The following CELF2 variants were observed in gnomAD, a reference collection of about 807,000 sequenced individuals.
CELF2 encodes the protein CUGBP Elav-like family member 2, also known as CUG triplet repeat RNA-binding protein 2.
In CELF2, 8 loss-of-function variants were observed where a neutral mutation model predicts 62.6. That is an observed-to-expected ratio of 0.13 (90% confidence interval 0.07 to 0.23). The LOEUF (loss-of-function observed/expected upper bound fraction) is 0.23. CELF2 is among the 10% of genes least tolerant of loss of function. CELF2 has a pLI of 1.00. For missense variants in CELF2, 333 were observed against 671.0 expected (o/e 0.50, Z 5.56); for synonymous variants, 258 against 250.0 (o/e 1.03, Z -0.30).
the CELF2 span, among the ~76,000 whole-genome samples, chr10:10,739,278 T>G: frequency 6.6e-6 from 1 of 152,194 alleles, no homozygotes; most frequent in East Asian, 1.9e-4. Flanking sequence ...TATTTTATAA[T>G]GTTTGACAAT....
chr10:10,894,541 G>A (rs957399713), intron 1 of CELF2, among the ~76,000 whole-genome samples: 10 of 152,160 alleles, frequency 6.6e-5, no homozygotes, highest in South Asian at 2.1e-4. Flanking sequence ...GCACACAGAC[G>A]TCCCAGGCCC....
rs1207902176 is a variant in CELF2, at chr10:11,299,105, A to G, written c.976+10553A>G. On this transcript the variant is annotated intron_variant, in intron 9 of 12. Coordinates refer to ENST00000633077, the MANE Select transcript of CELF2 (RefSeq NM_001326342.2). Reference sequence around the variant, plus strand: ...TACCACAAATGCCACTTGAGCTCCTAGAACCAATATCCCCTCCTTACCAAA... The same window carrying G: ...TACCACAAATGCCACTTGAGCTCCTGGAACCAATATCCCCTCCTTACCAAA... Among the ~76,000 whole-genome samples, 6 of 152,254 alleles carry G rather than the reference A, an allele frequency of 3.9e-5. No individual in the cohort carries two copies. In the South Asian group the frequency reaches 8.3e-4, roughly 21 times the overall value.
the CELF2 span, among the ~76,000 whole-genome samples, chr10:10,595,862 C>T: frequency 6.6e-6 from 1 of 152,060 alleles, no homozygotes; most frequent in Admixed American, 6.5e-5. Flanking sequence ...CGCCACTGCA[C>T]TCCAGCCTGG....
chr10:10,933,811 A>G (rs1216080770), intron 2 of CELF2, among the ~76,000 whole-genome samples: 1 of 152,190 alleles, frequency 6.6e-6, no homozygotes, highest in Non-Finnish European at 1.5e-5. Context: ...TCTATTGTGT[A>G]TATATACCAC....
chr10:10,710,405 G>A, the CELF2 span, among the ~76,000 whole-genome samples: 1 of 152,172 alleles, frequency 6.6e-6, no homozygotes, highest in Non-Finnish European at 1.5e-5. Flanking sequence ...CTTGAAGTAG[G>A]AATAATTACA....
the CELF2 span, among the ~76,000 whole-genome samples, chr10:10,714,085 A>C: frequency 6.6e-6 from 1 of 152,240 alleles, no homozygotes; most frequent in Middle Eastern, 3.4e-3. Context: ...TTTGAGAGCA[A>C]TAAGACCAAC....
chr10:10,731,712 G>A, the CELF2 span, among the ~76,000 whole-genome samples: 1 of 152,120 alleles, frequency 6.6e-6, no homozygotes, highest in Non-Finnish European at 1.5e-5. Flanking sequence ...TCAATCAATA[G>A]CATATTTAGT....
At chr10:10,695,977 T>G in the CELF2 span, among the ~76,000 whole-genome samples, 1 of 151,932 alleles carries the variant, frequency 6.6e-6, no homozygotes, top group South Asian at 2.1e-4. Context: ...TCAGAGTAAT[T>G]TGATCATCTG....
At chr10:10,584,478 A>G in the CELF2 span, among the ~76,000 whole-genome samples, 2 of 152,218 alleles carry the variant, frequency 1.3e-5, no homozygotes, top group South Asian at 4.1e-4. Flanking sequence ...AGCTATTGTT[A>G]CAGGTACATA....
rs1020514273 is a variant in CELF2 at position 11,246,266 on chromosome 10, T to C, written c.355-2887T>C. Reference sequence around the variant, plus strand: ...TTTCATTTTTGTGTCCCAGGCATAATGTAGGTGCGCTCACCTCATCTCTCC... The same window carrying C: ...TTTCATTTTTGTGTCCCAGGCATAACGTAGGTGCGCTCACCTCATCTCTCC... On this transcript the variant is annotated intron_variant, in intron 3 of 12. Transcript: ENST00000633077. This position sits in a 1 kb window ranked among gnomAD's most constrained non-coding sequence, Gnocchi z 4.6. Among the ~76,000 whole-genome samples, 2 of 152,124 alleles carry C rather than the reference T, an allele frequency of 1.3e-5. No individual in the cohort carries two copies. The highest frequency in any genetic ancestry group is 4.8e-5 in the African/African-American group (2 of 41,404).
At chr10:10,912,044 A>G (rs1189857166) in intron 1 of CELF2, among the ~76,000 whole-genome samples, 1 of 152,258 alleles carries the variant, frequency 6.6e-6, no homozygotes, top group African/African-American at 2.4e-5. Context: ...AATTACAACA[A>G]TACCTAGTAT....
At chr10:10,734,496 G>C in the CELF2 span, among the ~76,000 whole-genome samples, 3 of 152,166 alleles carry the variant, frequency 2.0e-5, no homozygotes, top group Non-Finnish European at 4.4e-5. Flanking sequence ...AGTGCTAGAG[G>C]GGTTGACCCT....
chr10:10,866,189 C>A (rs1224659473), intron 1 of CELF2, among the ~76,000 whole-genome samples: 1 of 152,174 alleles, frequency 6.6e-6, no homozygotes, highest in Non-Finnish European at 1.5e-5. Context: ...TCCTTTCTTC[C>A]ATTCCATACA....
intron 1 of CELF2, among the ~76,000 whole-genome samples, chr10:11,119,864 T>TCCCCCCCCC (rs57433204): frequency 1.1e-4 from 12 of 112,180 alleles, no homozygotes; most frequent in African/African-American, 3.0e-4. Flanking sequence ...TGATTCCGCC[T>TCCCCCCCCC]CCCCCCCCCC....
intron 1 of CELF2, among the ~76,000 whole-genome samples, chr10:11,026,655 T>C (rs1390290095): frequency 6.6e-6 from 1 of 152,258 alleles, no homozygotes; most frequent in Non-Finnish European, 1.5e-5. Context: ...AGTTGTCTTG[T>C]TGCCCTTCTT....
At chr10:10,661,112 T>C in the CELF2 span, among the ~76,000 whole-genome samples, 2 of 152,236 alleles carry the variant, frequency 1.3e-5, no homozygotes, top group Admixed American at 1.3e-4. Flanking sequence ...TTTTGATGAA[T>C]GCAAATCAAG....
chr10:11,281,864 C>T (rs529554057), intron 8 of CELF2, among the ~76,000 whole-genome samples: 6 of 152,330 alleles, frequency 3.9e-5, no homozygotes, highest in South Asian at 4.1e-4. Flanking sequence ...GACACGATCA[C>T]AAGTTCATTC....
chr10:10,590,384 C>G, the CELF2 span, among the ~76,000 whole-genome samples: 1 of 152,162 alleles, frequency 6.6e-6, no homozygotes, highest in Non-Finnish European at 1.5e-5. Context: ...AAAATGCACC[C>G]TGAAGCCAGA....
rs554486345 is a variant in CELF2 at position 11,085,171 on chromosome 10, A to C, written c.74+67008A>C. ...TCCCCCTAAGTTAACAAAAAGAAGA[A>C]GTATAACCTTAAGGTTTAGTAGATA... On this transcript the variant is annotated intron_variant, in intron 1 of 12. Transcript: ENST00000633077. Among the ~76,000 whole-genome samples the C allele has an allele frequency of 1.1e-4, 17 of 152,358 alleles. 1 individual carries two copies. The South Asian group carries it at 3.3e-3, about 30-fold the overall frequency.
Sources: allele counts gnomAD v4.1 joint callset (sites outside exome capture counted in the v4.1 genomes callset), GRCh38; gene constraint gnomAD v4.1.1; non-coding constraint Gnocchi (gnomAD v3.1); transcripts MANE v1.5; gene names NCBI Gene and HGNC (gene_info 2026-07-23, HGNC 2026-07-21).